The following CFAP54 variants were observed in gnomAD, a reference collection of about 807,000 sequenced individuals.
CFAP54 encodes cilia- and flagella-associated protein 54.
A neutral mutation model predicts 370.4 loss-of-function variants in CFAP54; 290 were observed. The observed-to-expected ratio is 0.78, with a 90% confidence interval of 0.71 to 0.86. The LOEUF is 0.86. Among genes scored for constraint, CFAP54 ranks in the 40% least tolerant of loss-of-function variants. The pLI is 0.00. For missense variants in CFAP54, 3,399 were observed against 3,528.7 expected, an observed-to-expected ratio of 0.96 and a Z score of 0.93; for synonymous variants, 1,206 against 1,236.5, an observed-to-expected ratio of 0.98 and a Z score of 0.52.
chr12:96,528,638 A>G (rs1028856769), intron 9 of CFAP54, among the ~76,000 whole-genome samples: 1 of 152,022 alleles, frequency 6.6e-6, no homozygotes, highest in African/African-American at 2.4e-5. Flanking sequence ...AATTTTTCAG[A>G]TTTTCTTTTC....
At chr12:96,591,823 G>A (rs914994484) in intron 23 of CFAP54, among the ~76,000 whole-genome samples, 28 of 151,474 alleles carry the variant, frequency 1.8e-4, no homozygotes, top group African/African-American at 4.8e-4. Context: ...CCCGGGAGGC[G>A]GAGCTTGCAG....
chr12:96,509,815 C>CAAAA (rs61180247), intron 4 of CFAP54, among the ~76,000 whole-genome samples: 3 of 145,008 alleles, frequency 2.1e-5, no homozygotes, highest in Non-Finnish European at 3.0e-5. Context: ...GTCTCCATCT[C>CAAAA]AAAAAAAAAA....
chr12:96,673,822 T>C (rs189025840), intron 39 of CFAP54, among the ~76,000 whole-genome samples: 90 of 152,354 alleles, frequency 5.9e-4, no homozygotes, highest in African/African-American at 2.0e-3. Flanking sequence ...AGAATAGATA[T>C]TGCAATGCTC....
At chr12:96,535,021 T>C (rs1386465441) in intron 11 of CFAP54, among the ~76,000 whole-genome samples, 2 of 141,426 alleles carry the variant, frequency 1.4e-5, no homozygotes, top group African/African-American at 5.5e-5. Flanking sequence ...TGTGTGTGTG[T>C]GTGTGTGTGT....
At chr12:96,605,790 G>A (rs535818625) in intron 26 of CFAP54, among the ~76,000 whole-genome samples, 67 of 152,270 alleles carry the variant, frequency 4.4e-4, no homozygotes, top group African/African-American at 1.5e-3. Context: ...ACACAACAGG[G>A]ATGCAGGAAG....
intron 32 of CFAP54, among the ~76,000 whole-genome samples, chr12:96,636,298 T>G (rs1188637078): frequency 1.3e-5 from 2 of 152,214 alleles, no homozygotes; most frequent in Non-Finnish European, 2.9e-5. Context: ...GATTACTATG[T>G]CTCTTTGAGT....
At chr12:96,737,394 G>A (rs191610318) in intron 50 of CFAP54, among the ~76,000 whole-genome samples, 2 of 151,130 alleles carry the variant, frequency 1.3e-5, no homozygotes, top group African/African-American at 2.4e-5. Context: ...AAAAAAGATT[G>A]TGGGGAAAAA....
At chr12:96,656,030 A>G (rs1426563644) in intron 36 of CFAP54, among the ~76,000 whole-genome samples, 1 of 152,166 alleles carries the variant, frequency 6.6e-6, no homozygotes, top group African/African-American at 2.4e-5. Context: ...AAGAGTTGAT[A>G]ATTATTGCAG....
chr12:96,642,713 G>A (rs1327241124), intron 32 of CFAP54, among the ~76,000 whole-genome samples: 1 of 152,036 alleles, frequency 6.6e-6, no homozygotes, highest in Non-Finnish European at 1.5e-5. Context: ...TTTTTAATTC[G>A]GGTGTTTATC....
intron 20 of CFAP54, among the ~76,000 whole-genome samples, chr12:96,578,416 A>G (rs1333203532): frequency 6.6e-6 from 1 of 152,250 alleles, no homozygotes; most frequent in Non-Finnish European, 1.5e-5. Flanking sequence ...TCTGTTTAAG[A>G]ATAGAGCTTC....
chr12:96,635,414 C>G (rs917841410), intron 32 of CFAP54, among the ~76,000 whole-genome samples: 1 of 152,042 alleles, frequency 6.6e-6, no homozygotes, highest in Non-Finnish European at 1.5e-5. Context: ...TGTGTAGTAT[C>G]TTTTTGCTCA....
intron 47 of CFAP54, among the ~76,000 whole-genome samples, chr12:96,706,020 T>C (rs537074259): frequency 1.3e-5 from 2 of 152,228 alleles, no homozygotes; most frequent in South Asian, 2.1e-4. Context: ...ATCTGCCTTA[T>C]GTATTAATTC....
intron 60 of CFAP54, among the ~76,000 whole-genome samples, chr12:96,766,619 C>G (rs1047652369): frequency 7.9e-5 from 12 of 152,152 alleles, no homozygotes; most frequent in Non-Finnish European, 1.8e-4. Flanking sequence ...TTCTCTCAGC[C>G]TCATTAGAAA....
At chr12:96,751,369 C>A (rs1369908884) in intron 55 of CFAP54, among the ~76,000 whole-genome samples, 2 of 151,944 alleles carry the variant, frequency 1.3e-5, no homozygotes, top group African/African-American at 4.8e-5. Flanking sequence ...TGTAACAATT[C>A]TAATTTTAAC....
chr12:96,811,592 A>G (rs774616586), intron 63 of CFAP54, 144 bp from the exon 64 acceptor site: 28 of 498,808 alleles, frequency 5.6e-5, no homozygotes, highest in Admixed American at 1.1e-4. Context: ...TTTCTCTTTC[A>G]GGTGAATTGA....
chr12:96,681,370 CT>C (rs202097088), intron 40 of CFAP54, among the ~76,000 whole-genome samples: 8,993 of 134,710 alleles, frequency 0.067, 520 homozygotes, highest in African/African-American at 0.2. Context: ...AAGGTTTTTC[CT>C]TTTTTTTTTT....
chr12:96,780,891 C>T (rs898368313), intron 60 of CFAP54, among the ~76,000 whole-genome samples: 1 of 152,126 alleles, frequency 6.6e-6, no homozygotes, highest in Non-Finnish European at 1.5e-5. Context: ...TGAGTGTCCA[C>T]TAAAATTATG....
intron 8 of CFAP54, among the ~76,000 whole-genome samples, chr12:96,526,462 G>A (rs1350387255): frequency 1.3e-5 from 2 of 152,146 alleles, no homozygotes; most frequent in African/African-American, 4.8e-5. Flanking sequence ...TTGGCTTGAA[G>A]ACCTTCTGCA....
intron 66 of CFAP54, among the ~76,000 whole-genome samples, chr12:96,853,278 T>C (rs1959602919): frequency 6.6e-6 from 1 of 152,056 alleles, no homozygotes. Flanking sequence ...TTCAACAACA[T>C]GGATGAAACT....
Sources: allele counts gnomAD v4.1 joint callset (sites outside exome capture counted in the v4.1 genomes callset), GRCh38; gene constraint gnomAD v4.1.1; transcripts MANE v1.5; gene names NCBI Gene and HGNC (gene_info 2026-07-23, HGNC 2026-07-21).